The following MTMR10 variants were observed in gnomAD, a reference collection of about 807,000 sequenced individuals.
The protein encoded by MTMR10 is myotubularin related protein 10.
MTMR10 carries 56 observed loss-of-function variants against 88.1 expected under a neutral mutation model. The observed-to-expected ratio is 0.64, with a 90% confidence interval of 0.51 to 0.79. MTMR10 has a LOEUF of 0.79. MTMR10 is among the 30% of genes least tolerant of loss of function. The probability of loss-of-function intolerance (pLI) is 0.00; values close to 1 mark genes in which losing one functional copy is unlikely to be tolerated. For synonymous variants in MTMR10, 380 were observed against 340.9 expected (o/e 1.11, Z -1.26); for missense variants, 883 against 924.7 (o/e 0.95, Z 0.58).
intron 5 of MTMR10, among the ~76,000 whole-genome samples, chr15:30,973,864 C>T (rs1446088039): frequency 1.3e-5 from 2 of 152,066 alleles, no homozygotes; most frequent in Non-Finnish European, 2.9e-5. Context: ...TTCTTTAAAC[C>T]ACTAATAATT....
At position 30,939,809 on chromosome 15, in the gene MTMR10, G is replaced by A; in HGVS notation, c.*1661C>T. On this transcript the variant is annotated 3_prime_UTR_variant, in exon 16 of 16. Coordinates refer to ENST00000435680, the MANE Select transcript of MTMR10 (RefSeq NM_017762.3). ...GTGGTGTTATAAGGAGATTGGGTCT[G>A]GTTTCTAATCAAGGACTGTAAAATG... The A allele has an allele frequency of 1.0e-6, 1 of 985,202 alleles. No individual in the cohort carries two copies. The highest frequency in any genetic ancestry group is 1.1e-4 in the East Asian group (1 of 8,816). The allele number at this position is 985,202 out of a possible 1,614,324, so 61.0% of individuals were successfully genotyped here. A position where few individuals can be genotyped will look rare whatever the true frequency, so the allele number is the denominator to read the frequency against.
chr15:30,972,802 A>G (rs1333132680), intron 5 of MTMR10, among the ~76,000 whole-genome samples: 1 of 152,208 alleles, frequency 6.6e-6, no homozygotes, highest in Admixed American at 6.6e-5. Context: ...AGTACTACAG[A>G]TGGTTCAAGA....
At chr15:30,977,439 T>G (rs2030235644) in intron 2 of MTMR10, among the ~76,000 whole-genome samples, 1 of 152,202 alleles carries the variant, frequency 6.6e-6, no homozygotes, top group Non-Finnish European at 1.5e-5. Context: ...CCAAATCAAG[T>G]TTCCTTCTGC....
intron 2 of MTMR10, among the ~76,000 whole-genome samples, chr15:30,987,610 T>A (rs914252539): frequency 5.9e-5 from 9 of 152,210 alleles, no homozygotes; most frequent in African/African-American, 1.9e-4. Flanking sequence ...GCAACTGAAG[T>A]AGGATACCCT....
intron 13 of MTMR10, 40 bp from the exon 14 acceptor site, chr15:30,947,340 T>C (rs2063185892): frequency 1.3e-6 from 2 of 1,586,606 alleles, no homozygotes; most frequent in African/African-American, 1.4e-5. Flanking sequence ...TTTAATGTTA[T>C]CCTTCAGCCG....
chr15:30,978,219 T>C (rs936521200), intron 2 of MTMR10, among the ~76,000 whole-genome samples: 13 of 152,216 alleles, frequency 8.5e-5, no homozygotes, highest in African/African-American at 3.1e-4. Flanking sequence ...TTTCCAGCAC[T>C]CATGATAGCT....
rs763636666 is a variant in MTMR10 at position 30,947,261 on chromosome 15, G to C, written c.1417C>G (p.Leu473Val). 4.3e-6 allele frequency: 7 copies of C among 1,613,760 alleles called. No individual in the cohort carries two copies. The highest frequency in any genetic ancestry group is 5.9e-6 in the Non-Finnish European group (7 of 1,179,840). Residue 473 changes from leucine to valine, a missense_variant, in exon 14 of 16, where the codon CTG (leucine) becomes GTG (valine). Leu to Val is a conservative substitution (Grantham distance 32). This residue lies in a region of MTMR10 where 126 missense variants were observed against 178.2 expected (regional missense o/e 0.71). Transcript: ENST00000435680. ...AAAGCTGCAGGATATTGTTCTAACAGCTGCCAGGTGGCATCCAAGAATAGC... is the reference window on the plus strand; with the variant it reads ...AAAGCTGCAGGATATTGTTCTAACACCTGCCAGGTGGCATCCAAGAATAGC... The part of the protein sequence containing the change: ...FLLFLDATWQ[L>V]LEQYPAAFEF...
chr15:30,950,305 A>G (rs2063226391), intron 12 of MTMR10: 1 of 152,052 alleles, frequency 6.6e-6, no homozygotes, highest in Non-Finnish European at 1.5e-5. Flanking sequence ...TTACTATTTG[A>G]TTTTTTTCTA....
Position 30,967,932 on chromosome 15 carries a change from A to AT in MTMR10, c.552dup (p.Tyr185IlefsTer9), listed in dbSNP as rs1241876971. 6.4e-6 allele frequency: 10 copies of AT among 1,555,656 alleles called. No homozygotes were observed. The highest frequency in any genetic ancestry group is 8.7e-6 in the Non-Finnish European group (10 of 1,147,454). On this transcript the variant is annotated frameshift_variant, in exon 6 of 16. Transcript: ENST00000435680. LOFTEE classifies it high-confidence loss of function. ...TTTTCATATTTACCTGAATTGTGGT[A>AT]TTTTTTCCCAACATATTCAAATGCA...
chr15:30,938,806 A>G, downstream of MTMR10: 3 of 622,328 alleles, frequency 4.8e-6, no homozygotes, highest in Non-Finnish European at 6.0e-6. Flanking sequence ...AAAAAAAGTT[A>G]CTGATCACTA....
chr15:30,935,456 TAAA>T (rs1438039036), downstream of MTMR10, among the ~76,000 whole-genome samples: 1 of 151,946 alleles, frequency 6.6e-6, no homozygotes, highest in African/African-American at 2.4e-5. Context: ...AGAAAAACAA[TAAA>T]AAGTAACTAC....
intron 3 of MTMR10, 142 bp from the exon 4 acceptor site, chr15:30,975,145 C>A (rs1566964458): frequency 1.9e-5 from 11 of 579,282 alleles, no homozygotes; most frequent in Non-Finnish European, 3.0e-6. Context: ...TAGGGCCATT[C>A]CAATGTTGAC....
chr15:30,928,506 T>TTGTGTG, the MTMR10 span: 233,284 of 1,462,850 alleles, frequency 0.16, 4,910 homozygotes, highest in African/African-American at 0.23. Context: ...AAAACAGATT[T>TTGTGTG]TGTGTGTGTG....
chr15:30,975,150 G>A, intron 3 of MTMR10, 147 bp from the exon 4 acceptor site: 1 of 575,056 alleles, frequency 1.7e-6, no homozygotes, highest in East Asian at 3.0e-5. Flanking sequence ...CCATTCCAAT[G>A]TTGACAGATA....
Position 30,941,400 on chromosome 15 carries a change from A to C in MTMR10, c.*70T>G. 1.3e-6 allele frequency: 2 copies of C among 1,551,714 alleles called. No individual in the cohort carries two copies. The highest frequency in any genetic ancestry group is 1.7e-6 in the Non-Finnish European group (2 of 1,152,502). ...AAAGTTATTAGAGATTCAAACGCCTAGGTTAGCAATGTTAATTCAGAGGAA... is the reference window on the plus strand; with the variant it reads ...AAAGTTATTAGAGATTCAAACGCCTCGGTTAGCAATGTTAATTCAGAGGAA... On this transcript the variant is annotated 3_prime_UTR_variant, in exon 16 of 16. Coordinates refer to ENST00000435680, the MANE Select transcript of MTMR10 (RefSeq NM_017762.3).
chr15:30,962,893 T>C (rs1383378510), intron 6 of MTMR10, among the ~76,000 whole-genome samples: 2 of 152,054 alleles, frequency 1.3e-5, no homozygotes, highest in Non-Finnish European at 2.9e-5. Context: ...AAGGAACAAG[T>C]CAAAAGTTGC....
At chr15:30,930,923 T>G in the MTMR10 span, among the ~76,000 whole-genome samples, 14 of 152,170 alleles carry the variant, frequency 9.2e-5, no homozygotes, top group Admixed American at 2.0e-4. Context: ...TGATGTTCCA[T>G]CACTCCTGCT....
chr15:30,946,644 T>C (rs1212957831), intron 14 of MTMR10: 1 of 678,322 alleles, frequency 1.5e-6, no homozygotes, highest in Non-Finnish European at 2.7e-6. Context: ...AAATGGCACT[T>C]TGGTTCAGAA....
intron 11 of MTMR10, among the ~76,000 whole-genome samples, chr15:30,952,612 T>C (rs1163033358): frequency 6.6e-6 from 1 of 152,120 alleles, no homozygotes; most frequent in African/African-American, 2.4e-5. Flanking sequence ...GTGATCCTCC[T>C]GCCTCAGGCT....
Sources: allele counts gnomAD v4.1 joint callset (sites outside exome capture counted in the v4.1 genomes callset), GRCh38; gene constraint gnomAD v4.1.1; regional missense constraint gnomAD v4.1.1; transcripts MANE v1.5; gene names NCBI Gene and HGNC (gene_info 2026-07-23, HGNC 2026-07-21).